MMS22L: variants seen among roughly 807,000 people sequenced by gnomAD.
MMS22L encodes MMS22 like, DNA repair protein.
In MMS22L, 74 loss-of-function variants were observed where a neutral mutation model predicts 159.1. The observed-to-expected ratio is 0.47, with a 90% CI of 0.39 to 0.56. The LOEUF is 0.56. Ranked by LOEUF, MMS22L falls within the 20% of genes least tolerant of loss-of-function variation. The pLI, the probability that MMS22L is intolerant of heterozygous loss-of-function variation, is 0.00. For missense variants in MMS22L, 1,351 were observed against 1,422.1 expected (o/e 0.95, Z 0.80); for synonymous variants, 517 against 506.9 (o/e 1.02, Z -0.27).
chr6:97,221,302 A>C (rs1223138539), intron 14 of MMS22L, among the ~76,000 whole-genome samples: 1 of 152,146 alleles, frequency 6.6e-6, no homozygotes, highest in East Asian at 1.9e-4. Context: ...GTATCTATGT[A>C]CCGGATTTAG....
chr6:97,156,312 A>G (rs546229787), intron 22 of MMS22L, among the ~76,000 whole-genome samples: 1 of 152,092 alleles, frequency 6.6e-6, no homozygotes, highest in Non-Finnish European at 1.5e-5. Flanking sequence ...TGCTATGCAG[A>G]AGCTCTTTAA....
rs374821352 is a variant in MMS22L at position 97,181,294 on chromosome 6, C to G, written c.2384+610G>C. Among the ~76,000 whole-genome samples the G allele has an allele frequency of 2.3e-4, 35 of 152,218 alleles. 2 individuals are homozygous for G. The highest frequency in any genetic ancestry group is 7.7e-4 in the African/African-American group (32 of 41,558). ...TTTTATTTTCTCTCATCTTGATGTT[C>G]TTATTCAAGTCTTCCTGACCACTCT... On this transcript the variant is annotated intron_variant, in intron 16 of 24. Coordinates refer to ENST00000683635, the MANE Select transcript of MMS22L (RefSeq NM_001350599.2).
chr6:97,184,193 G>A (rs1303768529), intron 15 of MMS22L, among the ~76,000 whole-genome samples: 2 of 151,852 alleles, frequency 1.3e-5, no homozygotes, highest in Non-Finnish European at 2.9e-5. Flanking sequence ...CTCTCTTTGG[G>A]CTCCACGGCA....
chr6:97,156,116 G>A (rs1801814623), intron 22 of MMS22L, among the ~76,000 whole-genome samples: 1 of 152,160 alleles, frequency 6.6e-6, no homozygotes, highest in African/African-American at 2.4e-5. Context: ...TTTTTTGGCT[G>A]CATAAATGTC....
chr6:97,208,468 T>C (rs1349892342), intron 14 of MMS22L, among the ~76,000 whole-genome samples: 1 of 151,990 alleles, frequency 6.6e-6, no homozygotes, highest in African/African-American at 2.4e-5. Flanking sequence ...GAAGGAGATA[T>C]TTCAAGTGGT....
In MMS22L at chr6:97,263,354, C is replaced by A; in HGVS notation, c.923G>T (p.Ser308Ile). The change falls in exon 9 of 25, where the codon AGT becomes ATT. Residue 308 changes from serine (S) to isoleucine (I), a missense_variant. Coordinates refer to ENST00000683635, the MANE Select transcript of MMS22L (RefSeq NM_001350599.2). ...VLLIHLLDHR[S>I]KWFVSESFWN... ...ACTTACTTCCGAGACAAACCATTTA[C>A]TTCTGTGGTCTAGAAGATGAATAAG... 6.3e-7 allele frequency: 1 copy of A among 1,584,680 alleles called. No homozygotes were observed. Among genetic ancestry groups the A allele is most frequent in the East Asian group, 2.3e-5 (1 of 43,548 alleles).
intron 14 of MMS22L, among the ~76,000 whole-genome samples, chr6:97,203,204 G>C (rs1807367982): frequency 6.6e-6 from 1 of 151,920 alleles, no homozygotes; most frequent in African/African-American, 2.4e-5. Context: ...TGACTAAAAA[G>C]GCAAAAAAAG....
rs201055415 is a variant in MMS22L, at chr6:97,228,932, T to C, written c.2001A>G (p.Thr667=). 1.5e-4 allele frequency: 236 copies of C among 1,613,990 alleles called. 1 individual carries two copies. The highest frequency in any genetic ancestry group is 2.5e-5 in the Non-Finnish European group (30 of 1,180,002). ...GAACAGCTTGTAGGAAGCTCAATAC[T>C]GTCCTAAGTTCAGATTCTCGACATG... ...LRACRESELR[T]VLSFLQAVLA... The change falls in exon 14 of 25, where the codon ACA becomes ACG. Residue 667 remains threonine (T), a synonymous_variant. Transcript: ENST00000683635.
At chr6:97,240,208 C>T (rs1208903912) in intron 11 of MMS22L, among the ~76,000 whole-genome samples, 2 of 152,196 alleles carry the variant, frequency 1.3e-5, no homozygotes, top group African/African-American at 2.4e-5. Context: ...TAGTCCTATA[C>T]TACTTATAGA....
At chr6:97,181,682 T>C (rs1804723586) in intron 16 of MMS22L, among the ~76,000 whole-genome samples, 1 of 152,164 alleles carries the variant, frequency 6.6e-6, no homozygotes, top group Non-Finnish European at 1.5e-5. Flanking sequence ...TTGAAAGGGC[T>C]TAACAAACAA....
intron 14 of MMS22L, among the ~76,000 whole-genome samples, chr6:97,188,998 A>G (rs1805557801): frequency 6.6e-6 from 1 of 151,618 alleles, no homozygotes; most frequent in African/African-American, 2.4e-5. Flanking sequence ...AAATAAAATA[A>G]AGGAATTTCA....
chr6:97,247,568 A>G (rs569456333), intron 10 of MMS22L, among the ~76,000 whole-genome samples: 1 of 152,108 alleles, frequency 6.6e-6, no homozygotes, highest in Admixed American at 6.5e-5. Context: ...AAAATACAAA[A>G]ATTAGCCGGG....
At chr6:97,279,117 T>C (rs1048969653) in intron 3 of MMS22L, among the ~76,000 whole-genome samples, 6 of 152,220 alleles carry the variant, frequency 3.9e-5, no homozygotes, top group Admixed American at 3.9e-4. Flanking sequence ...AAATTATCTA[T>C]TAAAGACTGC....
At chr6:97,280,566 G>A (rs896501366) in intron 3 of MMS22L, among the ~76,000 whole-genome samples, 4 of 151,912 alleles carry the variant, frequency 2.6e-5, no homozygotes, top group African/African-American at 9.7e-5. Flanking sequence ...CTCCCGCCTC[G>A]GCCTCCCAAA....
chr6:97,160,617 G>A (rs1054282775), intron 22 of MMS22L, among the ~76,000 whole-genome samples: 4 of 151,838 alleles, frequency 2.6e-5, no homozygotes, highest in African/African-American at 4.8e-5. Context: ...TGGAGTTAGT[G>A]GAACTTCCTG....
At chr6:97,244,512 A>C (rs1389966289) in intron 11 of MMS22L, among the ~76,000 whole-genome samples, 1 of 152,196 alleles carries the variant, frequency 6.6e-6, no homozygotes, top group Non-Finnish European at 1.5e-5. Flanking sequence ...CCTTAATCTA[A>C]GTGGGCACAA....
intron 14 of MMS22L, among the ~76,000 whole-genome samples, chr6:97,225,568 C>T (rs1810141532): frequency 6.7e-6 from 1 of 150,200 alleles, no homozygotes. Flanking sequence ...AGGCTGGTCT[C>T]GAAGTTTTTT....
chr6:97,144,799 A>T lies in MMS22L; in HGVS notation c.*2007T>A, dbSNP rs1437724024. The stretch of plus-strand genomic sequence containing the variant: ...TTCAATTTAAAAAAAAGCTTTAAAA[A>T]AAGTTACTTATACATAAATACAAAA... On this transcript the variant is annotated 3_prime_UTR_variant, in exon 25 of 25. Coordinates refer to ENST00000683635, the MANE Select transcript of MMS22L (RefSeq NM_001350599.2). 1 of 152,154 alleles carries T rather than the reference A, an allele frequency of 6.6e-6. No homozygotes were observed. The highest frequency in any genetic ancestry group is 1.5e-5 in the Non-Finnish European group (1 of 68,026). The allele number at this position is 152,154 out of a possible 1,614,324, so 9.4% of individuals were successfully genotyped here.
intron 7 of MMS22L, among the ~76,000 whole-genome samples, chr6:97,269,158 C>T (rs1815469861): frequency 6.6e-6 from 1 of 151,774 alleles, no homozygotes; most frequent in South Asian, 2.1e-4. Context: ...GACAATAAAA[C>T]GTAAAGATGT....
Sources: allele counts gnomAD v4.1 joint callset (sites outside exome capture counted in the v4.1 genomes callset), GRCh38; gene constraint gnomAD v4.1.1; transcripts MANE v1.5; gene names NCBI Gene and HGNC (gene_info 2026-07-23, HGNC 2026-07-21).